Variants in ARID3B observed in about 807,000 individuals in gnomAD.
ARID3B encodes the protein AT-rich interaction domain 3B.
ARID3B carries 10 observed loss-of-function variants against 51.9 expected under a neutral mutation model. The ratio of observed to expected loss-of-function variants is 0.19; its 90% CI spans 0.12 to 0.33. The LOEUF (loss-of-function observed/expected upper bound fraction) is 0.33. ARID3B is among the 10% of genes least tolerant of loss of function. The pLI, the probability that ARID3B is intolerant of heterozygous loss-of-function variation, is 1.00. For synonymous variants in ARID3B, 205 were observed against 279.5 expected, an observed-to-expected ratio of 0.73 and a Z score of 2.66; for missense variants, 483 against 716.3, an observed-to-expected ratio of 0.67 and a Z score of 3.72.
rs955704067 is a variant in ARID3B, at chr15:74,596,300, G to A, written c.*526G>A. On this transcript the variant is annotated 3_prime_UTR_variant, in exon 9 of 9. Coordinates refer to ENST00000346246, the MANE Select transcript of ARID3B (RefSeq NM_006465.4). ...GCCCTTCCAGCCCACTTTGCCTACT[G>A]TTAGGTTCCTGGGGTACGGGTCCCT... The A allele has an allele frequency of 8.5e-6, 2 of 234,112 alleles. No individual in the cohort carries two copies. The highest frequency in any genetic ancestry group is 6.0e-5 in the East Asian group (1 of 16,594). 14.5% of individuals were successfully genotyped at this position (234,112 alleles called of 1,614,324 possible). A position where few individuals can be genotyped will look rare whatever the true frequency, so the allele number is the denominator to read the frequency against.
At chr15:74,571,215 C>T (rs1029212867) in intron 2 of ARID3B, among the ~76,000 whole-genome samples, 6 of 152,204 alleles carry the variant, frequency 3.9e-5, no homozygotes, top group Non-Finnish European at 8.8e-5. Flanking sequence ...CTGCATAATG[C>T]CTTCTGCTTT....
At position 74,544,262 on chromosome 15, in the gene ARID3B, A is replaced by G; in HGVS notation, c.326A>G (p.Glu109Gly). 1.2e-6 allele frequency: 2 copies of G among 1,614,220 alleles called. No individual in the cohort carries two copies. Among genetic ancestry groups the G allele is most frequent in the Non-Finnish European group, 1.7e-6 (2 of 1,180,036 alleles). The change falls in exon 2 of 9, where the codon GAG (glutamate) becomes GGG (glycine). Residue 109 changes from glutamate (E) to glycine (G), a missense_variant. Around this residue, in one of 3 missense-constraint regions of ARID3B, gnomAD observed 182 missense variants for 244.5 expected, o/e 0.74. Transcript: ENST00000346246. ...EDEDGDDEVAEVAEKETQAAS... is the reference protein window; with the variant it reads ...EDEDGDDEVAGVAEKETQAAS... ...GAGGATGGGGATGATGAAGTTGCAGAGGTGGCTGAGAAAGAAACCCAGGCT... is the reference window on the plus strand; with the variant it reads ...GAGGATGGGGATGATGAAGTTGCAGGGGTGGCTGAGAAAGAAACCCAGGCT...
At chr15:74,554,060 G>T (rs1386109555) in intron 2 of ARID3B, among the ~76,000 whole-genome samples, 2 of 152,116 alleles carry the variant, frequency 1.3e-5, no homozygotes, top group African/African-American at 2.4e-5. Flanking sequence ...AGGCTAGAGT[G>T]CAGTGGCACG....
intron 8 of ARID3B, among the ~76,000 whole-genome samples, chr15:74,594,968 C>G (rs775116865): frequency 3.9e-5 from 6 of 152,144 alleles, no homozygotes; most frequent in Admixed American, 2.0e-4. Context: ...TGTCCTCTGT[C>G]AAGGAGAAAG....
At chr15:74,555,984 G>A (rs182517378) in intron 2 of ARID3B, among the ~76,000 whole-genome samples, 16 of 151,616 alleles carry the variant, frequency 1.1e-4, no homozygotes, top group Middle Eastern at 3.4e-3. Flanking sequence ...AGTAGAGACG[G>A]GGTTTCACCG....
chr15:74,544,753 T>C lies in ARID3B; in HGVS notation c.552+265T>C, dbSNP rs151243924. On this transcript the variant is annotated intron_variant, in intron 2 of 8. Transcript: ENST00000346246. ...TCACCCAAGCTGGAGTGCAGTGGCA[T>C]GATCTCGGCTCACTGCAACCTCCAT... 3.3e-3 allele frequency among the ~76,000 whole-genome samples: 504 copies of C among 150,618 alleles called. 5 individuals are homozygous for C. The highest frequency in any genetic ancestry group is 5.2e-3 in the Non-Finnish European group (353 of 67,666).
chr15:74,589,796 CTT>C, intron 4 of ARID3B, 22 bp from the exon 5 acceptor site: 1 of 1,591,432 alleles, frequency 6.3e-7, no homozygotes, highest in Non-Finnish European at 8.6e-7. Context: ...CCCGCTGTCT[CTT>C]TCTCTCGTTG....
intron 2 of ARID3B, among the ~76,000 whole-genome samples, chr15:74,565,906 G>A (rs1249844190): frequency 1.3e-5 from 2 of 152,114 alleles, no homozygotes; most frequent in African/African-American, 2.4e-5. Context: ...TGTGAGATTG[G>A]TGTTGTCACC....
At chr15:74,582,894 C>T (rs1195224892) in intron 4 of ARID3B, among the ~76,000 whole-genome samples, 2 of 151,980 alleles carry the variant, frequency 1.3e-5, no homozygotes, top group African/African-American at 4.8e-5. Context: ...ACTACACAGC[C>T]GTAGAAAGTT....
chr15:74,562,108 C>T (rs2061681354), intron 2 of ARID3B, among the ~76,000 whole-genome samples: 1 of 150,358 alleles, frequency 6.7e-6, no homozygotes, highest in African/African-American at 2.4e-5. Flanking sequence ...GTATTAAATG[C>T]ATTTCCGACA....
At chr15:74,547,177 C>G (rs549436199) in intron 2 of ARID3B, among the ~76,000 whole-genome samples, 1 of 151,322 alleles carries the variant, frequency 6.6e-6, no homozygotes, top group Non-Finnish European at 1.5e-5. Context: ...CCTCCCCCGC[C>G]GACACAGAGC....
At chr15:74,560,184 A>C (rs2061674917) in intron 2 of ARID3B, among the ~76,000 whole-genome samples, 1 of 151,588 alleles carries the variant, frequency 6.6e-6, no homozygotes, top group Non-Finnish European at 1.5e-5. Flanking sequence ...CAGCCTGGGC[A>C]ACAGAGCAAG....
chr15:74,570,044 C>T (rs751843258), intron 2 of ARID3B, among the ~76,000 whole-genome samples: 20 of 152,080 alleles, frequency 1.3e-4, no homozygotes, highest in Non-Finnish European at 2.9e-4. Flanking sequence ...TCAAAGAGTT[C>T]GGTGTCTCAT....
chr15:74,550,014 A>G (rs572083334), intron 2 of ARID3B, among the ~76,000 whole-genome samples: 11 of 152,384 alleles, frequency 7.2e-5, no homozygotes, highest in Non-Finnish European at 1.3e-4. Flanking sequence ...CTTCGCTATC[A>G]TCAGACAGCA....
intron 4 of ARID3B, chr15:74,574,770 C>G (rs2061731300): frequency 6.6e-6 from 1 of 152,106 alleles, no homozygotes; most frequent in Admixed American, 6.6e-5. Context: ...TTTGGGAGGC[C>G]AAGGTGGGTG....
At chr15:74,582,136 C>T (rs1321060867) in intron 4 of ARID3B, among the ~76,000 whole-genome samples, 3 of 152,084 alleles carry the variant, frequency 2.0e-5, no homozygotes, top group African/African-American at 7.2e-5. Context: ...ACTCATTGGC[C>T]AGTTTCTCCG....
At chr15:74,562,009 C>T (rs971821022) in intron 2 of ARID3B, among the ~76,000 whole-genome samples, 5 of 149,922 alleles carry the variant, frequency 3.3e-5, no homozygotes, top group African/African-American at 1.2e-4. Context: ...AGGTTGCACT[C>T]CAGCCCTGGC....
At chr15:74,581,828 A>G (rs1231316965) in intron 4 of ARID3B, among the ~76,000 whole-genome samples, 1 of 152,230 alleles carries the variant, frequency 6.6e-6, no homozygotes, top group Non-Finnish European at 1.5e-5. Flanking sequence ...GTTATTTGAT[A>G]GTTTTGCCTC....
chr15:74,579,872 T>TGTGTGTGTGTGTGTGTGC (rs1488209764), intron 4 of ARID3B, among the ~76,000 whole-genome samples: 6 of 118,980 alleles, frequency 5.0e-5, no homozygotes, highest in Non-Finnish European at 6.6e-5. Flanking sequence ...TGTGTGTGTG[T>TGTGTGTGTGTGTGTGTGC]GCGCGCGCGC....
Sources: allele counts gnomAD v4.1 joint callset (sites outside exome capture counted in the v4.1 genomes callset), GRCh38; gene constraint gnomAD v4.1.1; regional missense constraint gnomAD v4.1.1; transcripts MANE v1.5; gene names NCBI Gene and HGNC (gene_info 2026-07-23, HGNC 2026-07-21).